NLGN4X: variants seen among roughly 807,000 people sequenced by gnomAD.
The protein encoded by NLGN4X is neuroligin-4, X-linked.
A neutral mutation model predicts 40.3 loss-of-function variants in NLGN4X; 3 were observed. The observed-to-expected ratio is 0.07, with a 90% CI of 0.03 to 0.19. NLGN4X has a LOEUF of 0.19. NLGN4X is among the 10% of genes least tolerant of loss of function. The pLI, the probability that NLGN4X is intolerant of heterozygous loss-of-function variation, is 1.00. For missense variants in NLGN4X, 382 were observed against 708.3 expected (o/e 0.54, Z 5.23); for synonymous variants, 270 against 306.8 (o/e 0.88, Z 1.25).
intron 1 of NLGN4X, among the ~76,000 whole-genome samples, chrX:6,198,993 TC>T (rs1254406886): frequency 8.9e-6 from 1 of 111,912 alleles, no homozygotes; most frequent in Non-Finnish European, 1.9e-5. Context: ...TTCTTTTGAG[TC>T]CCAGTGACCC....
intron 3 of NLGN4X, among the ~76,000 whole-genome samples, chrX:5,970,952 T>G (rs1159681208): frequency 9.0e-6 from 1 of 111,436 alleles, no homozygotes; most frequent in Admixed American, 9.6e-5. Context: ...GGAAATCATC[T>G]CTGCATGTCT....
intron 2 of NLGN4X, among the ~76,000 whole-genome samples, chrX:6,084,398 G>A (rs2038444631): frequency 9.0e-6 from 1 of 111,533 alleles, no homozygotes. Flanking sequence ...GACACAGGAG[G>A]AGTACTTGGG....
At chrX:6,105,688 A>G (rs1181320550) in intron 2 of NLGN4X, among the ~76,000 whole-genome samples, 4 of 111,843 alleles carry the variant, frequency 3.6e-5, no homozygotes, top group Non-Finnish European at 7.5e-5. Context: ...CTGCACACAT[A>G]ACACAACTCA....
In NLGN4X at chrX:6,040,053, T is replaced by G. The variant is rs1455936217; in HGVS notation, c.473-10621A>C. On this transcript the variant is annotated intron_variant, in intron 2 of 5. Coordinates refer to ENST00000381095, the MANE Select transcript of NLGN4X (RefSeq NM_181332.3). The stretch of plus-strand genomic sequence containing the variant: ...CAAGGGCTCCAGTGATTCTTCGACC[T>G]CAGCCTCCCGAGTAGCTGGGACTAC... Among the ~76,000 whole-genome samples, 3 of 111,524 alleles carry G rather than the reference T, an allele frequency of 2.7e-5. No homozygotes were observed. In the Admixed American group the frequency reaches 2.9e-4, roughly 11 times the overall value.
chrX:5,928,862 T>G (rs2033428143), intron 3 of NLGN4X, among the ~76,000 whole-genome samples: 1 of 110,391 alleles, frequency 9.1e-6, no homozygotes, highest in Non-Finnish European at 1.9e-5. Flanking sequence ...TTTTAGTTTT[T>G]TTTTAGAGAT....
intron 3 of NLGN4X, among the ~76,000 whole-genome samples, chrX:5,930,037 C>T (rs754930508): frequency 8.9e-6 from 1 of 112,038 alleles, no homozygotes; most frequent in Admixed American, 9.5e-5. Flanking sequence ...AGTCACCTCT[C>T]ATAGGAGGGT....
intron 2 of NLGN4X, among the ~76,000 whole-genome samples, chrX:6,087,563 A>G (rs150688900): frequency 3.7e-3 from 418 of 111,990 alleles, no homozygotes; most frequent in African/African-American, 0.012. Flanking sequence ...ATGATCACCT[A>G]TGTACATATA....
In NLGN4X at chrX:6,147,713, G is replaced by A. The variant is rs188729515; in HGVS notation, c.472+3282C>T. ...ACACACACACACACCATGCAGATTC[G>A]GTCAATCGGTCTCCAACTGTTCCTT... On this transcript the variant is annotated intron_variant, in intron 2 of 5. Transcript: ENST00000381095. 2.5e-4 allele frequency among the ~76,000 whole-genome samples: 27 copies of A among 109,708 alleles called. No homozygotes were observed. The East Asian group carries it at 6.9e-3, about 28-fold the overall frequency.
chrX:5,988,894 G>C (rs1413242552), intron 3 of NLGN4X, among the ~76,000 whole-genome samples: 1 of 109,901 alleles, frequency 9.1e-6, no homozygotes, highest in Non-Finnish European at 1.9e-5. Context: ...GTGAAACTCC[G>C]TCCCTACTAA....
At chrX:5,998,363 T>C (rs1241322238) in intron 3 of NLGN4X, among the ~76,000 whole-genome samples, 5 of 104,784 alleles carry the variant, frequency 4.8e-5, no homozygotes, top group East Asian at 6.0e-4. Context: ...TGAGCCAAGA[T>C]TGCACCATTG....
intron 1 of NLGN4X, among the ~76,000 whole-genome samples, chrX:6,180,430 T>C (rs748176157): frequency 4.3e-4 from 48 of 110,973 alleles, no homozygotes; most frequent in Middle Eastern, 4.6e-3. Context: ...GCTCCGGCCA[T>C]GTAAGAAAGC....
At chrX:6,074,687 T>G (rs1031295890) in intron 2 of NLGN4X, among the ~76,000 whole-genome samples, 2 of 111,212 alleles carry the variant, frequency 1.8e-5, no homozygotes, top group Non-Finnish European at 3.8e-5. Context: ...TTGAGAGTCA[T>G]AGAGAGGAAG....
In NLGN4X at chrX:5,903,588, T is replaced by C; in HGVS notation, c.1090A>G (p.Asn364Asp). 1 of 1,211,161 alleles carries C rather than the reference T, an allele frequency of 8.3e-7. No individual in the cohort carries two copies. Among genetic ancestry groups the C allele is most frequent in the Non-Finnish European group, 1.1e-6 (1 of 895,367 alleles). The change falls in exon 5 of 6, where the codon AAC becomes GAC. Residue 364 changes from asparagine (N) to aspartate (D), a missense_variant. By Grantham distance (23) the Asn-to-Asp change is conservative (BLOSUM62 1). Around this residue, in one of 5 missense-constraint regions of NLGN4X, gnomAD observed 149 missense variants for 375.8 expected, o/e 0.40. Coordinates refer to ENST00000381095, the MANE Select transcript of NLGN4X (RefSeq NM_181332.3). Reference protein sequence around the residue: ...QILMEQGEFLNYDIMLGVNQG... With the variant: ...QILMEQGEFLDYDIMLGVNQG... Reference sequence around the variant, plus strand: ...TTGACGCCCAGCATGATGTCGTAGTTGAGGAACTCGCCTTGCTCCATCAGG... The same window carrying C: ...TTGACGCCCAGCATGATGTCGTAGTCGAGGAACTCGCCTTGCTCCATCAGG...
At chrX:6,032,344 G>A (rs149188503) in intron 2 of NLGN4X, among the ~76,000 whole-genome samples, 4,552 of 101,871 alleles carry the variant, frequency 0.045, 275 homozygotes, top group African/African-American at 0.15. Flanking sequence ...ACATTTGGAA[G>A]GGAGAAAATA....
intron 3 of NLGN4X, among the ~76,000 whole-genome samples, chrX:5,922,456 C>T (rs2033108510): frequency 1.8e-5 from 2 of 111,596 alleles, no homozygotes; most frequent in Non-Finnish European, 3.8e-5. Flanking sequence ...GTATGCACCC[C>T]GTAAATATGT....
At chrX:5,943,259 C>G (rs778735850) in intron 3 of NLGN4X, among the ~76,000 whole-genome samples, 2 of 111,579 alleles carry the variant, frequency 1.8e-5, no homozygotes, top group East Asian at 2.9e-4. Context: ...CAATAGCCTG[C>G]AAGGAAGCAG....
At chrX:6,049,499 T>C (rs1190560712) in intron 2 of NLGN4X, among the ~76,000 whole-genome samples, 3 of 109,334 alleles carry the variant, frequency 2.7e-5, no homozygotes, top group Non-Finnish European at 5.7e-5. Flanking sequence ...TTTTCCATCA[T>C]CGTCTGTCTT....
At chrX:6,031,993 G>T (rs11798625) in intron 2 of NLGN4X, among the ~76,000 whole-genome samples, 25,402 of 109,103 alleles carry the variant, frequency 0.23, 2,341 homozygotes, top group Admixed American at 0.3. Flanking sequence ...AAAAGCCGTG[G>T]TGTGAAAAGA....
At chrX:6,011,966 C>G (rs949170662) in intron 3 of NLGN4X, among the ~76,000 whole-genome samples, 6 of 111,378 alleles carry the variant, frequency 5.4e-5, no homozygotes, top group African/African-American at 2.0e-4. Flanking sequence ...ATTAAAAGTC[C>G]ATGAGTCGTT....
Sources: gnomAD v4.1 joint callset for allele counts (sites outside exome capture counted in the v4.1 genomes callset) on GRCh38, gnomAD v4.1.1 for gene constraint, gnomAD v4.1.1 regional missense constraint, MANE v1.5 for transcripts, NCBI Gene and HGNC (gene_info 2026-07-23, HGNC 2026-07-21) for gene names.